Variants in PARD3 observed in about 807,000 individuals in gnomAD.
PARD3 encodes partitioning defective 3 homolog.
Under a neutral mutation model 155.4 loss-of-function variants are expected in PARD3, and 75 were observed. The observed-to-expected ratio is 0.48, with a 90% CI of 0.40 to 0.58. The LOEUF (loss-of-function observed/expected upper bound fraction) is 0.58. PARD3 is among the 20% of genes least tolerant of loss of function. The pLI, the probability that PARD3 is intolerant of heterozygous loss-of-function variation, is 0.00. For missense variants in PARD3, 1,642 were observed against 1,721.7 expected, an observed-to-expected ratio of 0.95 and a Z score of 0.82; for synonymous variants, 576 against 610.5, an observed-to-expected ratio of 0.94 and a Z score of 0.83.
At position 34,109,575 on chromosome 10, in the gene PARD3, T is replaced by G. The variant is rs1462939354; in HGVS notation, c.*1594A>C. ...GACACCAAAAGAACAGGAAGAAATA[T>G]GCCTTTTATTAGGAGTTGCATATGT... On this transcript the variant is annotated 3_prime_UTR_variant, in exon 25 of 25. Transcript: ENST00000374788. The G allele has an allele frequency of 6.6e-6, 1 of 151,762 alleles. No homozygotes were observed. The highest frequency in any genetic ancestry group is 6.6e-5 in the Admixed American group (1 of 15,240). 9.4% of individuals were successfully genotyped at this position (151,762 alleles called of 1,614,324 possible). A position where few individuals can be genotyped will look rare whatever the true frequency, so the allele number is the denominator to read the frequency against.
At chr10:34,418,978 C>T (rs1845936053) in intron 5 of PARD3, among the ~76,000 whole-genome samples, 1 of 151,740 alleles carries the variant, frequency 6.6e-6, no homozygotes, top group Admixed American at 6.6e-5. Flanking sequence ...ACTATGCTGC[C>T]CAGCCCAGGC....
At chr10:34,567,927 A>C (rs1038156775) in intron 2 of PARD3, among the ~76,000 whole-genome samples, 60 of 152,232 alleles carry the variant, frequency 3.9e-4, no homozygotes, top group African/African-American at 1.3e-3. Context: ...ACTACGAGGA[A>C]CGTGTCCTTG....
chr10:34,130,798 C>A (rs779785150), intron 23 of PARD3, among the ~76,000 whole-genome samples: 2 of 152,196 alleles, frequency 1.3e-5, no homozygotes, highest in African/African-American at 2.4e-5. Flanking sequence ...CAGTGGTTCA[C>A]AACTGTAATC....
chr10:34,237,551 G>A (rs960045135), intron 22 of PARD3, among the ~76,000 whole-genome samples: 3 of 152,126 alleles, frequency 2.0e-5, no homozygotes, highest in African/African-American at 7.2e-5. Context: ...ATACTCATAT[G>A]TAAATTTCCA....
At chr10:34,318,287 T>C (rs1435766777) in intron 19 of PARD3, among the ~76,000 whole-genome samples, 1 of 152,186 alleles carries the variant, frequency 6.6e-6, no homozygotes, top group East Asian at 1.9e-4. Context: ...CTCAGAAATC[T>C]TTCTTTCGAG....
At position 34,320,095 on chromosome 10, in the gene PARD3, A is replaced by G. The variant is rs182221686; in HGVS notation, c.2834-2757T>C. Among the ~76,000 whole-genome samples, 170 of 152,338 alleles carry G rather than the reference A, an allele frequency of 1.1e-3. 1 individual carries two copies. The highest frequency in any genetic ancestry group is 3.9e-3 in the African/African-American group (162 of 41,576). On this transcript the variant is annotated intron_variant, in intron 19 of 24. Coordinates refer to ENST00000374788, the MANE Select transcript of PARD3 (RefSeq NM_001184785.2). ...CTCCTCAAATGAAGACTGTGGGGCA[A>G]ACAGCAGCTGCTCATAAATGGCTGC...
chr10:34,347,459 A>G (rs900914691), intron 15 of PARD3, among the ~76,000 whole-genome samples: 2 of 152,262 alleles, frequency 1.3e-5, no homozygotes, highest in Non-Finnish European at 2.9e-5. Flanking sequence ...AGAAAAGTAA[A>G]ATACAATTAA....
intron 18 of PARD3, among the ~76,000 whole-genome samples, chr10:34,334,078 A>C (rs1835894602): frequency 6.6e-6 from 1 of 151,808 alleles, no homozygotes; most frequent in African/African-American, 2.4e-5. Flanking sequence ...CTTTTGTCTT[A>C]ATTTTAAAAC....
At chr10:34,605,724 CTATATATATATCTCCTA>C (rs1564406097) in intron 2 of PARD3, among the ~76,000 whole-genome samples, 5 of 12,932 alleles carry the variant, frequency 3.9e-4, no homozygotes, top group Admixed American at 1.1e-3. Context: ...TATATATCTC[CTATATATATATCTCCTA>C]TATATATATA....
intron 3 of PARD3, among the ~76,000 whole-genome samples, chr10:34,474,230 A>T (rs1399655532): frequency 2.0e-5 from 3 of 152,174 alleles, no homozygotes; most frequent in Non-Finnish European, 4.4e-5. Context: ...TGTTGAAATC[A>T]AGGTTTTCTT....
chr10:34,569,542 C>T (rs1318940152), intron 2 of PARD3, among the ~76,000 whole-genome samples: 5 of 152,018 alleles, frequency 3.3e-5, no homozygotes, highest in Non-Finnish European at 7.4e-5. Flanking sequence ...CTCAGCCTCC[C>T]GAGCAGCTGG....
chr10:34,449,508 G>A (rs1019346580), intron 5 of PARD3, among the ~76,000 whole-genome samples: 2 of 149,864 alleles, frequency 1.3e-5, no homozygotes, highest in African/African-American at 4.9e-5. Context: ...GCTAAATGAC[G>A]AGTTAATGGG....
At chr10:34,358,110 T>G (rs998245716) in intron 14 of PARD3, among the ~76,000 whole-genome samples, 1 of 152,196 alleles carries the variant, frequency 6.6e-6, no homozygotes, top group Non-Finnish European at 1.5e-5. Flanking sequence ...TAAGAAAAAC[T>G]TCACATTTTC....
At chr10:34,365,523 C>T (rs1839874551) in intron 12 of PARD3, among the ~76,000 whole-genome samples, 1 of 152,088 alleles carries the variant, frequency 6.6e-6, no homozygotes, top group Non-Finnish European at 1.5e-5. Context: ...CATTTATTAA[C>T]AATAATAGGA....
At position 34,375,014 on chromosome 10, in the gene PARD3, C is replaced by T; in HGVS notation, c.1540-12G>A. 1 of 1,600,068 alleles carries T rather than the reference C, an allele frequency of 6.2e-7. No individual in the cohort carries two copies. Among genetic ancestry groups the T allele is most frequent in the Non-Finnish European group, 8.5e-7 (1 of 1,171,858 alleles). On this transcript the variant is annotated splice_polypyrimidine_tract_variant and intron_variant, in intron 10 of 24. Transcript: ENST00000374788. ...TCTACTCCATTTACCTAAAACAAAA[C>T]AAAAGTTTTCAGCTGTAATCCTGTG... is the stretch of plus-strand genomic sequence containing the variant.
intron 22 of PARD3, among the ~76,000 whole-genome samples, chr10:34,222,168 GAAGA>G (rs1588831447): frequency 1.3e-5 from 2 of 152,332 alleles, no homozygotes; most frequent in East Asian, 3.9e-4. Flanking sequence ...GGAGACCACA[GAAGA>G]AAGAAACATG....
chr10:34,805,048 G>A (rs1015981829), intron 1 of PARD3, among the ~76,000 whole-genome samples: 2 of 152,158 alleles, frequency 1.3e-5, no homozygotes, highest in African/African-American at 4.8e-5. Flanking sequence ...AATCTAAAGG[G>A]ATGCGGTACA....
At chr10:34,462,713 C>T (rs1177308241) in intron 4 of PARD3, among the ~76,000 whole-genome samples, 4 of 151,784 alleles carry the variant, frequency 2.6e-5, no homozygotes, top group Non-Finnish European at 4.4e-5. Flanking sequence ...GTGGCCCATG[C>T]TTGTAGTCCA....
intron 2 of PARD3, among the ~76,000 whole-genome samples, chr10:34,588,734 C>G (rs2088347557): frequency 6.6e-6 from 1 of 152,178 alleles, no homozygotes; most frequent in Non-Finnish European, 1.5e-5. Flanking sequence ...TTCTGAAACA[C>G]TGAACCTGCA....
Sources: allele counts gnomAD v4.1 joint callset (sites outside exome capture counted in the v4.1 genomes callset), GRCh38; gene constraint gnomAD v4.1.1; transcripts MANE v1.5; gene names NCBI Gene and HGNC (gene_info 2026-07-23, HGNC 2026-07-21).